PEX2: variants seen among roughly 807,000 people sequenced by gnomAD.
PEX2 encodes the protein peroxisomal biogenesis factor 2.
In PEX2, 19 loss-of-function variants were observed where a neutral mutation model predicts 25.2. The ratio of observed to expected loss-of-function variants is 0.75; its 90% CI spans 0.53 to 1.10. The LOEUF is 1.10. Ranked by LOEUF, PEX2 falls within the 50% of genes least tolerant of loss-of-function variation. The pLI is 0.00. For missense variants in PEX2, 347 were observed against 350.6 expected, an observed-to-expected ratio of 0.99 and a Z score of 0.08; for synonymous variants, 141 against 127.7, an observed-to-expected ratio of 1.10 and a Z score of -0.70.
At chr8:76,995,088 G>A (rs1038473534) in intron 1 of PEX2, among the ~76,000 whole-genome samples, 3 of 152,168 alleles carry the variant, frequency 2.0e-5, no homozygotes, top group African/African-American at 7.2e-5. Flanking sequence ...TGTGACCTCT[G>A]GCACTGTGAA....
At chr8:76,988,422 T>A (rs903010549) in intron 1 of PEX2, 84 bp from the exon 2 acceptor site, 2 of 152,282 alleles carry the variant, frequency 1.3e-5, no homozygotes, top group African/African-American at 4.8e-5. Context: ...ATTTTCACTA[T>A]ACTGCAGTCT....
rs1168013980 is a variant in PEX2, at chr8:76,983,603, A to G, written c.576T>C (p.Asn192=). The change falls in exon 4 of 4, where the codon AAT becomes AAC. Residue 192 remains asparagine, a synonymous_variant. Transcript: ENST00000357039. ...CAAAACCATGCCAGAGAAGTTCCCT[A>G]TTCATGTATTCAAAGCCAACTTCAC... is the stretch of plus-strand genomic sequence containing the variant. ...NICEVGFEYM[N]RELLWHGFAE... 3.7e-6 allele frequency: 6 copies of G among 1,613,992 alleles called. No homozygotes were observed. Among genetic ancestry groups the G allele is most frequent in the Non-Finnish European group, 4.2e-6 (5 of 1,179,944 alleles).
chr8:76,984,599 A>G (rs1806951609), intron 3 of PEX2, among the ~76,000 whole-genome samples: 2 of 152,202 alleles, frequency 1.3e-5, no homozygotes, highest in African/African-American at 4.8e-5. Flanking sequence ...GAAGAGATAC[A>G]GGAAGGTAAT....
intron 2 of PEX2, chr8:76,987,825 G>A: frequency 6.6e-6 from 1 of 152,216 alleles, no homozygotes. Flanking sequence ...CCAAGTCCCT[G>A]AAACAAGAAA....
intron 3 of PEX2, 57 bp downstream of exon 3, chr8:76,986,130 T>C (rs1429514790): frequency 1.3e-5 from 2 of 152,132 alleles, no homozygotes; most frequent in African/African-American, 4.8e-5. Flanking sequence ...TCAAACCAGA[T>C]ATACAACAGG....
At chr8:76,985,002 T>C (rs1009486174) in intron 3 of PEX2, among the ~76,000 whole-genome samples, 3 of 152,008 alleles carry the variant, frequency 2.0e-5, no homozygotes, top group African/African-American at 7.2e-5. Flanking sequence ...AAATGAAATA[T>C]AAGAAGCTGA....
At position 76,981,962 on chromosome 8, in the gene PEX2, CT is replaced by C. The variant is rs1182225247; in HGVS notation, c.*1298del. On this transcript the variant is annotated 3_prime_UTR_variant, in exon 4 of 4. Coordinates refer to ENST00000357039, the MANE Select transcript of PEX2 (RefSeq NM_000318.3). ...CTCCATGAAGGTAACTTGATTTTTC[CT>C]GCTTAATATACTGTTGTGCCTCTAA... is the stretch of plus-strand genomic sequence containing the variant. The C allele has an allele frequency of 1.3e-5, 2 of 152,090 alleles. No individual in the cohort carries two copies. Among genetic ancestry groups the C allele is most frequent in the Non-Finnish European group, 2.9e-5 (2 of 68,008 alleles). The allele number at this position is 152,090 out of a possible 1,614,324, so 9.4% of individuals were successfully genotyped here.
intron 3 of PEX2, among the ~76,000 whole-genome samples, chr8:76,984,824 T>G (rs1806958708): frequency 6.6e-6 from 1 of 152,142 alleles, no homozygotes; most frequent in South Asian, 2.1e-4. Context: ...AAATAAATAG[T>G]ACTAAATCTT....
Position 76,984,142 on chromosome 8 carries a change from T to C in PEX2, c.37A>G (p.Arg13Gly). 6.2e-7 allele frequency: 1 copy of C among 1,614,174 alleles called. No individual in the cohort carries two copies. The highest frequency in any genetic ancestry group is 8.5e-7 in the Non-Finnish European group (1 of 1,180,022). Residue 13 changes from arginine to glycine, a missense_variant, in exon 4 of 4, where the codon AGA (arginine) becomes GGA (glycine). Physicochemically the swap from Arg to Gly is moderately radical, Grantham distance 125. Transcript: ENST00000357039. Reference protein sequence around the residue: ...SRKENAKSANRVLRISQLDAL... With the variant: ...SRKENAKSANGVLRISQLDAL... Reference sequence around the variant, plus strand: ...TCCAACTGGCTTATTCTTAGCACTCTGTTTGCACTCTTCGCATTCTCTTTT... The same window carrying C: ...TCCAACTGGCTTATTCTTAGCACTCCGTTTGCACTCTTCGCATTCTCTTTT...
chr8:76,992,157 C>T (rs1312371226), intron 1 of PEX2, among the ~76,000 whole-genome samples: 1 of 152,136 alleles, frequency 6.6e-6, no homozygotes, highest in African/African-American at 2.4e-5. Context: ...ACTCACTGCC[C>T]ACTTAACTTG....
chr8:76,994,177 A>T (rs532236691), intron 1 of PEX2, among the ~76,000 whole-genome samples: 1 of 152,298 alleles, frequency 6.6e-6, no homozygotes, highest in African/African-American at 2.4e-5. Context: ...GCAATATATA[A>T]CCTTATCCCT....
rs778787558 is a variant in PEX2, at chr8:76,983,837, C to T, written c.342G>A (p.Arg114=). Residue 114 remains arginine, a synonymous_variant, in exon 4 of 4, where the codon AGG becomes AGA. Transcript: ENST00000357039. ...IWYAVCTIGG[R]WLEERCYDLF... Reference sequence around the variant, plus strand: ...AATCATAGCATCGTTCTTCTAACCACCTGCCACCAATTGTACAAACAGCAT... The same window carrying T: ...AATCATAGCATCGTTCTTCTAACCATCTGCCACCAATTGTACAAACAGCAT... 6.2e-7 allele frequency: 1 copy of T among 1,614,112 alleles called. No individual in the cohort carries two copies. Among genetic ancestry groups the T allele is most frequent in the East Asian group, 2.2e-5 (1 of 44,874 alleles).
In PEX2 at chr8:76,983,638, G is replaced by A; in HGVS notation, c.541C>T (p.Gln181Ter). 6.2e-7 allele frequency: 1 copy of A among 1,614,060 alleles called. No individual in the cohort carries two copies. Among genetic ancestry groups the A allele is most frequent in the South Asian group, 1.1e-5 (1 of 91,082 alleles). Residue 181 changes from glutamine (Q) to a stop codon, truncating the protein, a stop_gained, in exon 4 of 4, where the codon CAA (glutamine) becomes TAA (stop). Transcript: ENST00000357039. LOFTEE classifies it high-confidence loss of function. ...TCAAAGCCAACTTCACATATGTTTT[G>A]AGGCTTGCAAAATACAGAATGAATA... ...LGIHSVFCKPQNICEVGFEYM... is the reference protein window; with the variant it reads ...LGIHSVFCKP
intron 1 of PEX2, among the ~76,000 whole-genome samples, chr8:76,995,566 C>T (rs767827039): frequency 6.6e-6 from 1 of 152,016 alleles, no homozygotes; most frequent in Admixed American, 6.6e-5. Flanking sequence ...CTTACACAAT[C>T]AACTGAGTGC....
At chr8:76,996,042 A>G (rs1206624645) in intron 1 of PEX2, among the ~76,000 whole-genome samples, 2 of 152,214 alleles carry the variant, frequency 1.3e-5, no homozygotes, top group East Asian at 3.9e-4. Context: ...CAAAAGAGCA[A>G]TACAGGACAT....
intron 1 of PEX2, among the ~76,000 whole-genome samples, chr8:76,990,592 T>TTTC (rs1284255242): frequency 1.3e-5 from 2 of 152,150 alleles, no homozygotes; most frequent in African/African-American, 4.8e-5. Context: ...ATTGGCCTAA[T>TTTC]TTCAACATTG....
chr8:76,993,648 C>T (rs1040133996), intron 1 of PEX2, among the ~76,000 whole-genome samples: 4 of 152,120 alleles, frequency 2.6e-5, no homozygotes, highest in Admixed American at 6.6e-5. Context: ...TAAGCTCAAA[C>T]TTGAATATTT....
intron 2 of PEX2, among the ~76,000 whole-genome samples, chr8:76,987,314 G>C (rs1454439783): frequency 2.0e-5 from 3 of 152,142 alleles, no homozygotes; most frequent in Admixed American, 6.6e-5. Flanking sequence ...AGGCTTCCTG[G>C]GAGAGGCAAT....
At chr8:76,997,733 T>G (rs896934070) in intron 1 of PEX2, among the ~76,000 whole-genome samples, 2 of 152,168 alleles carry the variant, frequency 1.3e-5, no homozygotes, top group African/African-American at 4.8e-5. Flanking sequence ...GAAAATATAT[T>G]AAATTGAGTA....
Sources: gnomAD v4.1 joint callset for allele counts (sites outside exome capture counted in the v4.1 genomes callset) on GRCh38, gnomAD v4.1.1 for gene constraint, MANE v1.5 for transcripts, NCBI Gene and HGNC (gene_info 2026-07-23, HGNC 2026-07-21) for gene names.